CAMK1D: variants seen among roughly 807,000 people sequenced by gnomAD.
CAMK1D encodes the protein calcium/calmodulin dependent protein kinase ID, also known as calcium/calmodulin-dependent protein kinase type 1D.
Under a neutral mutation model 47.7 loss-of-function variants are expected in CAMK1D, and 9 were observed. The observed-to-expected ratio is 0.19, with a 90% CI of 0.11 to 0.33. The LOEUF (loss-of-function observed/expected upper bound fraction) is 0.33, where lower values mean the gene tolerates loss of function less well. Among genes scored for constraint, CAMK1D ranks in the 10% least tolerant of loss-of-function variants. The pLI is 1.00. For missense variants in CAMK1D, 291 were observed against 488.7 expected (o/e 0.60, Z 3.81); for synonymous variants, 184 against 184.9 (o/e 0.99, Z 0.04).
rs1454341332 is a variant in CAMK1D, at chr10:12,680,886, A to C, written c.299+14076A>C. 5.9e-4 allele frequency among the ~76,000 whole-genome samples: 34 copies of C among 57,816 alleles called. No individual in the cohort carries two copies. The East Asian group carries it at 0.015, about 25-fold the overall frequency. The allele number at this position is 57,816 out of a possible 152,430, so 37.9% of individuals were successfully genotyped here. A position where few individuals can be genotyped will look rare whatever the true frequency, so the allele number is the denominator to read the frequency against. ...GGTGACAGAGTGAGACCATGTCTCAAAAAAAAAAAAAAAAATCTTTACTCC... is the reference window on the plus strand; with the variant it reads ...GGTGACAGAGTGAGACCATGTCTCACAAAAAAAAAAAAAAATCTTTACTCC... On this transcript the variant is annotated intron_variant, in intron 3 of 10. Coordinates refer to ENST00000619168, the MANE Select transcript of CAMK1D (RefSeq NM_153498.4).
intron 1 of CAMK1D, among the ~76,000 whole-genome samples, chr10:12,407,036 C>A (rs1264907389): frequency 6.6e-6 from 1 of 152,204 alleles, no homozygotes; most frequent in Non-Finnish European, 1.5e-5. Context: ...ACCCCACCCC[C>A]ATGCCAATTT....
intron 1 of CAMK1D, among the ~76,000 whole-genome samples, chr10:12,437,076 G>A (rs1425831487): frequency 1.3e-5 from 2 of 151,326 alleles, no homozygotes; most frequent in South Asian, 4.2e-4. Flanking sequence ...GTGTGAAATG[G>A]CATCTACTAG....
At chr10:12,615,768 G>A (rs1838777953) in intron 2 of CAMK1D, among the ~76,000 whole-genome samples, 1 of 151,518 alleles carries the variant, frequency 6.6e-6, no homozygotes, top group Admixed American at 6.6e-5. Context: ...GCGTAGGTGT[G>A]TGTAAGTGCA....
At chr10:12,467,418 A>C (rs1833624562) in intron 1 of CAMK1D, among the ~76,000 whole-genome samples, 1 of 152,022 alleles carries the variant, frequency 6.6e-6, no homozygotes, top group African/African-American at 2.4e-5. Flanking sequence ...CTCCCAAAGT[A>C]CTGGGATTAT....
intron 5 of CAMK1D, among the ~76,000 whole-genome samples, chr10:12,782,972 G>C (rs954421620): frequency 2.7e-5 from 4 of 149,688 alleles, no homozygotes; most frequent in African/African-American, 9.9e-5. Context: ...AGTAAATTCA[G>C]TATTTTCAGT....
intron 2 of CAMK1D, among the ~76,000 whole-genome samples, chr10:12,638,874 C>T (rs745906308): frequency 1.6e-4 from 24 of 152,326 alleles, no homozygotes; most frequent in South Asian, 1.0e-3. Context: ...CGTTCACCTC[C>T]GTAGTCCCCG....
chr10:12,689,361 C>T lies in CAMK1D; in HGVS notation c.299+22551C>T, dbSNP rs75091139. 5.4e-3 allele frequency among the ~76,000 whole-genome samples: 817 copies of T among 152,340 alleles called. 7 individuals are homozygous for T. The highest frequency in any genetic ancestry group is 0.018 in the African/African-American group (761 of 41,576). The stretch of plus-strand genomic sequence containing the variant: ...ATTTCGCCTGTTAGTAGTTTGACCA[C>T]CTGCTTCATAAAGAAGTCATGTTTC... On this transcript the variant is annotated intron_variant, in intron 3 of 10. Transcript: ENST00000619168.
At chr10:12,627,485 T>C (rs1396254887) in intron 2 of CAMK1D, among the ~76,000 whole-genome samples, 3 of 152,198 alleles carry the variant, frequency 2.0e-5, no homozygotes, top group African/African-American at 7.2e-5. Context: ...ATTACCCCAG[T>C]CAAGGTATAG....
At chr10:12,419,470 T>C (rs1044567518) in intron 1 of CAMK1D, among the ~76,000 whole-genome samples, 2 of 152,142 alleles carry the variant, frequency 1.3e-5, no homozygotes, top group African/African-American at 4.8e-5. Flanking sequence ...CAAGTCCTGT[T>C]TCCTGACTTT....
At position 12,746,095 on chromosome 10, in the gene CAMK1D, G is replaced by A. The variant is rs17152185; in HGVS notation, c.300-14853G>A. On this transcript the variant is annotated intron_variant, in intron 3 of 10. Coordinates refer to ENST00000619168, the MANE Select transcript of CAMK1D (RefSeq NM_153498.4). ...TGCCGACTGTATTTGTCCCGATGCC[G>A]GTGATGCCTGTAGAGCTATTAAAAA... Among the ~76,000 whole-genome samples the A allele has an allele frequency of 1.2e-4, 18 of 152,022 alleles. No individual in the cohort carries two copies. In the South Asian group the frequency reaches 1.7e-3, roughly 14 times the overall value.
At chr10:12,441,152 G>A (rs1357308518) in intron 1 of CAMK1D, among the ~76,000 whole-genome samples, 5 of 152,150 alleles carry the variant, frequency 3.3e-5, no homozygotes, top group Admixed American at 2.6e-4. Context: ...TGGGTTGTTT[G>A]GACTTCATTT....
intron 1 of CAMK1D, among the ~76,000 whole-genome samples, chr10:12,366,211 T>G (rs1837829884): frequency 6.6e-6 from 1 of 152,280 alleles, no homozygotes; most frequent in Admixed American, 6.5e-5. Flanking sequence ...CATAGTCTGT[T>G]TTCTTTGGCT....
intron 3 of CAMK1D, among the ~76,000 whole-genome samples, chr10:12,728,458 G>A (rs1834753338): frequency 6.6e-6 from 1 of 152,216 alleles, no homozygotes; most frequent in African/African-American, 2.4e-5. Context: ...CAGGGCCAAA[G>A]TAACCCGTTA....
chr10:12,783,394 G>T (rs1049760703), intron 5 of CAMK1D, among the ~76,000 whole-genome samples: 5 of 152,234 alleles, frequency 3.3e-5, no homozygotes, highest in African/African-American at 1.2e-4. Flanking sequence ...CACTGGAGGG[G>T]TCATGTGTGA....
At chr10:12,537,624 C>T (rs548229356) in intron 1 of CAMK1D, among the ~76,000 whole-genome samples, 6 of 152,270 alleles carry the variant, frequency 3.9e-5, no homozygotes, top group East Asian at 1.9e-4. Context: ...TATCCTTCCC[C>T]GCATCTGCAG....
chr10:12,561,965 C>A (rs1324606620), intron 2 of CAMK1D, among the ~76,000 whole-genome samples: 3 of 152,188 alleles, frequency 2.0e-5, no homozygotes. Flanking sequence ...ATCTCTGGGG[C>A]CTCTTCCTGC....
intron 2 of CAMK1D, among the ~76,000 whole-genome samples, chr10:12,605,139 G>T (rs767282905): frequency 2.0e-5 from 3 of 152,070 alleles, no homozygotes; most frequent in Non-Finnish European, 4.4e-5. Context: ...GCCTGCCTCG[G>T]CCTCCCAAAG....
intron 1 of CAMK1D, among the ~76,000 whole-genome samples, chr10:12,487,739 C>T (rs1002662452): frequency 2.6e-5 from 4 of 152,208 alleles, no homozygotes; most frequent in African/African-American, 9.7e-5. Context: ...GTCACTGGGA[C>T]TGTGATTTTT....
chr10:12,682,657 C>T (rs1282376452), intron 3 of CAMK1D, among the ~76,000 whole-genome samples: 2 of 152,068 alleles, frequency 1.3e-5, no homozygotes, highest in Admixed American at 1.3e-4. Flanking sequence ...CAATTTAAAA[C>T]TTAGTAATCA....
Sources: gnomAD v4.1 joint callset for allele counts (sites outside exome capture counted in the v4.1 genomes callset) on GRCh38, gnomAD v4.1.1 for gene constraint, MANE v1.5 for transcripts, NCBI Gene and HGNC (gene_info 2026-07-23, HGNC 2026-07-21) for gene names.